The following SDK1 variants were observed in gnomAD, a reference collection of about 807,000 sequenced individuals.
SDK1 encodes protein sidekick-1.
In SDK1, 157 loss-of-function variants were observed where a neutral mutation model predicts 245.5. The ratio of observed to expected loss-of-function variants is 0.64; its 90% CI spans 0.56 to 0.73. The LOEUF (loss-of-function observed/expected upper bound fraction) is 0.73, where lower values mean the gene tolerates loss of function less well. Ranked by LOEUF, SDK1 falls within the 30% of genes least tolerant of loss-of-function variation. The pLI, the probability that SDK1 is intolerant of heterozygous loss-of-function variation, is 0.00. For missense variants in SDK1, 3,583 were observed against 3,002.3 expected (o/e 1.19, Z -4.52); for synonymous variants, 1,647 against 1,278.5 (o/e 1.29, Z -6.15).
chr7:3,569,882 A>G (rs563564212), intron 1 of SDK1, among the ~76,000 whole-genome samples: 6 of 152,284 alleles, frequency 3.9e-5, no homozygotes, highest in Non-Finnish European at 8.8e-5. Context: ...TTTATGGTTA[A>G]TGTGTCCACT....
rs1788532454 is a variant in SDK1, at chr7:4,267,349, T to C, written c.*1965T>C. On this transcript the variant is annotated 3_prime_UTR_variant, in exon 45 of 45. Transcript: ENST00000404826. Reference sequence around the variant, plus strand: ...CTCTCTCCCCTATTCCTTCTTCCTTTTCTCCTCCTTTTTCTGAGTGGAGGG... The same window carrying C: ...CTCTCTCCCCTATTCCTTCTTCCTTCTCTCCTCCTTTTTCTGAGTGGAGGG... 1 of 980,996 alleles carries C rather than the reference T, an allele frequency of 1.0e-6. No homozygotes were observed. The highest frequency in any genetic ancestry group is 5.2e-4 in the Middle Eastern group (1 of 1,916). 60.8% of individuals were successfully genotyped at this position (980,996 alleles called of 1,614,324 possible).
rs771137823 is a variant in SDK1, at chr7:4,266,097, G to A, written c.*713G>A. The A allele has an allele frequency of 2.7e-5, 27 of 985,314 alleles. No homozygotes were observed. Among genetic ancestry groups the A allele is most frequent in the South Asian group, 2.3e-4 (5 of 21,288 alleles). 61.0% of individuals were successfully genotyped at this position (985,314 alleles called of 1,614,324 possible). A position where few individuals can be genotyped will look rare whatever the true frequency, so the allele number is the denominator to read the frequency against. ...TCCCCCTTCCTTCTCACCTGACAGC[G>A]AGGGAGAGGGAAGCCTCTTAGGGCT... On this transcript the variant is annotated 3_prime_UTR_variant, in exon 45 of 45. Transcript: ENST00000404826.
chr7:4,062,758 T>G (rs994906847), intron 19 of SDK1, among the ~76,000 whole-genome samples: 1 of 152,140 alleles, frequency 6.6e-6, no homozygotes, highest in Non-Finnish European at 1.5e-5. Context: ...TAATACACCA[T>G]GCTCATGTGA....
At chr7:3,552,250 G>A (rs1270912000) in intron 1 of SDK1, among the ~76,000 whole-genome samples, 2 of 152,104 alleles carry the variant, frequency 1.3e-5, no homozygotes, top group Admixed American at 1.3e-4. Context: ...TATTAGCAAG[G>A]ATGGTCTCGA....
intron 1 of SDK1, among the ~76,000 whole-genome samples, chr7:3,447,913 A>G (rs1309413661): frequency 6.6e-6 from 1 of 151,808 alleles, no homozygotes; most frequent in Non-Finnish European, 1.5e-5. Context: ...CATGTTAGTC[A>G]GGCTGGTCTC....
intron 1 of SDK1, among the ~76,000 whole-genome samples, chr7:3,610,545 A>G (rs896949433): frequency 8.5e-5 from 13 of 152,240 alleles, no homozygotes; most frequent in African/African-American, 3.1e-4. Context: ...TATTTATCCC[A>G]CTGTGTCTTA....
chr7:3,904,922 G>T (rs765778704), intron 5 of SDK1, among the ~76,000 whole-genome samples: 2 of 151,882 alleles, frequency 1.3e-5, no homozygotes, highest in African/African-American at 4.8e-5. Flanking sequence ...GAACCCGGGA[G>T]GTGGAGCTTT....
At chr7:3,884,525 A>T (rs549575935) in intron 5 of SDK1, among the ~76,000 whole-genome samples, 1 of 152,274 alleles carries the variant, frequency 6.6e-6, no homozygotes, top group African/African-American at 2.4e-5. Context: ...AGATGAGGAC[A>T]CTGAGTCTCA....
intron 4 of SDK1, among the ~76,000 whole-genome samples, chr7:3,776,490 C>A (rs1457839773): frequency 1.3e-5 from 2 of 152,170 alleles, no homozygotes; most frequent in African/African-American, 4.8e-5. Flanking sequence ...CCGATCAGAT[C>A]CCATTGTTGT....
chr7:4,128,407 C>A (rs892961505), intron 26 of SDK1, among the ~76,000 whole-genome samples: 1 of 152,226 alleles, frequency 6.6e-6, no homozygotes, highest in Non-Finnish European at 1.5e-5. Flanking sequence ...CCTGGGGCCC[C>A]GAGAAACGCG....
intron 38 of SDK1, among the ~76,000 whole-genome samples, chr7:4,216,182 G>A (rs1784783747): frequency 6.6e-6 from 1 of 152,212 alleles, no homozygotes; most frequent in Non-Finnish European, 1.5e-5. Flanking sequence ...AGGATGCCGG[G>A]ATAGCTTGAA....
chr7:3,536,974 A>C lies in SDK1; in HGVS notation c.299-82106A>C, dbSNP rs537946936. ...CATCATTAAAAATATTTTTTTCTTCAATCTCTCTATTTTTTTAATTGAAGT... is the reference window on the plus strand; with the variant it reads ...CATCATTAAAAATATTTTTTTCTTCCATCTCTCTATTTTTTTAATTGAAGT... On this transcript the variant is annotated intron_variant, in intron 1 of 44. Transcript: ENST00000404826. 5.9e-5 allele frequency among the ~76,000 whole-genome samples: 9 copies of C among 151,992 alleles called. No homozygotes were observed. In the East Asian group the frequency reaches 1.7e-3, roughly 29 times the overall value.
chr7:3,498,866 G>C (rs1318523350), intron 1 of SDK1, among the ~76,000 whole-genome samples: 1 of 152,052 alleles, frequency 6.6e-6, no homozygotes, highest in Admixed American at 6.6e-5. Context: ...TCATCTGAAA[G>C]GCATTTCTTA....
intron 4 of SDK1, among the ~76,000 whole-genome samples, chr7:3,655,895 C>T (rs900771894): frequency 4.6e-5 from 7 of 151,936 alleles, no homozygotes; most frequent in African/African-American, 9.7e-5. Flanking sequence ...GGGTATATAT[C>T]AAATGGAAAT....
chr7:4,112,547 G>C (rs1484446956), intron 23 of SDK1, among the ~76,000 whole-genome samples: 2 of 152,144 alleles, frequency 1.3e-5, no homozygotes, highest in African/African-American at 2.4e-5. Flanking sequence ...GTGACATCCT[G>C]ATATTCCAAT....
chr7:3,831,772 C>T (rs1275939305), intron 5 of SDK1, among the ~76,000 whole-genome samples: 1 of 151,996 alleles, frequency 6.6e-6, no homozygotes, highest in African/African-American at 2.4e-5. Flanking sequence ...AAAAATTAAT[C>T]ACCCGGGCAT....
intron 38 of SDK1, among the ~76,000 whole-genome samples, chr7:4,218,992 C>T (rs147685544): frequency 6.6e-6 from 1 of 152,122 alleles, no homozygotes; most frequent in Non-Finnish European, 1.5e-5. Flanking sequence ...TATTTATTCT[C>T]TCCCCTAAAA....
chr7:3,857,445 G>A (rs972820099), intron 5 of SDK1, among the ~76,000 whole-genome samples: 3 of 152,178 alleles, frequency 2.0e-5, no homozygotes, highest in Admixed American at 6.5e-5. Context: ...CACTTTGGGA[G>A]GACATGGCAG....
intron 4 of SDK1, among the ~76,000 whole-genome samples, chr7:3,666,584 T>C (rs1056458357): frequency 1.3e-5 from 2 of 152,200 alleles, no homozygotes; most frequent in Non-Finnish European, 2.9e-5. Context: ...GCTTGGGCCT[T>C]GCTTCTCTGT....
Sources: gnomAD v4.1 joint callset for allele counts (sites outside exome capture counted in the v4.1 genomes callset) on GRCh38, gnomAD v4.1.1 for gene constraint, MANE v1.5 for transcripts, NCBI Gene and HGNC (gene_info 2026-07-23, HGNC 2026-07-21) for gene names.